OR6S1: variants seen among roughly 807,000 people sequenced by gnomAD.
The protein encoded by OR6S1 is olfactory receptor family 6 subfamily S member 1, also known as olfactory receptor 6S1.
For missense variants in OR6S1, 443 were observed against 401.7 expected, an observed-to-expected ratio of 1.10 and a Z score of -0.88; for synonymous variants, 182 against 166.0, an observed-to-expected ratio of 1.10 and a Z score of -0.74.
chr14:20,640,975 C>G lies in OR6S1; in HGVS notation c.717G>C (p.Lys239Asn), dbSNP rs1016296949. 6.2e-7 allele frequency: 1 copy of G among 1,614,016 alleles called. No homozygotes were observed. Among genetic ancestry groups the G allele is most frequent in the Non-Finnish European group, 8.5e-7 (1 of 1,180,008 alleles). Residue 239 changes from lysine (K) to asparagine (N), a missense_variant, in exon 1 of 1, where the codon AAG (lysine) becomes AAC (asparagine). Physicochemically the swap from Lys to Asn is moderately conservative, Grantham distance 94. Transcript: ENST00000320704. ...LSIPSASGRQKAFSTCTSHLI... is the reference protein window; with the variant it reads ...LSIPSASGRQNAFSTCTSHLI... ...AGTGGGAGGTACAGGTAGAGAAGGC[C>G]TTCTGACGGCCTGAAGCAGAGGGGA...
rs142856316 is a variant in OR6S1, at chr14:20,641,295, G to T, written c.397C>A (p.Arg133Ser). Residue 133 changes from arginine (R) to serine (S), a missense_variant, in exon 1 of 1, where the codon CGC (arginine) becomes AGC (serine). Arg to Ser is a moderately radical substitution (Grantham distance 110, BLOSUM62 -1). Transcript: ENST00000320704. ...DRYLAICHPL[R>S]YPLLMSGAVC... Reference sequence around the variant, plus strand: ...GCCCCACTCATGAGCAAGGGGTAGCGCAGAGGATGACAGATGGCCAGGTAG... The same window carrying T: ...GCCCCACTCATGAGCAAGGGGTAGCTCAGAGGATGACAGATGGCCAGGTAG... The T allele has an allele frequency of 6.2e-7, 1 of 1,614,108 alleles. No individual in the cohort carries two copies. Among genetic ancestry groups the T allele is most frequent in the Middle Eastern group, 1.7e-4 (1 of 6,060 alleles).
Position 20,641,588 on chromosome 14 carries a change from A to G in OR6S1, c.104T>C (p.Leu35Pro), listed in dbSNP as rs767077345. The G allele has an allele frequency of 6.8e-6, 11 of 1,613,958 alleles. No individual in the cohort carries two copies. Among genetic ancestry groups the G allele is most frequent in the Non-Finnish European group, 4.2e-6 (5 of 1,179,806 alleles). The change falls in exon 1 of 1, where the codon CTT (leucine) becomes CCT (proline). Residue 35 changes from leucine to proline, a missense_variant. Coordinates refer to ENST00000320704, the MANE Select transcript of OR6S1 (RefSeq NM_001001968.1). ...GCCTGTCAGATTCAGGAGATAGACA[A>G]GAAGAAACACAGAAAATAATTCCAC... ...ARVELFSVFL[L>P]VYLLNLTGNV...
Position 20,641,065 on chromosome 14 carries a change from G to A in OR6S1, c.627C>T (p.Val209=). The A allele has an allele frequency of 6.2e-7, 1 of 1,614,188 alleles. No individual in the cohort carries two copies. Among genetic ancestry groups the A allele is most frequent in the Non-Finnish European group, 8.5e-7 (1 of 1,180,038 alleles). Residue 209 remains valine, a synonymous_variant, in exon 1 of 1, where the codon GTC becomes GTT. Coordinates refer to ENST00000320704, the MANE Select transcript of OR6S1 (RefSeq NM_001001968.1). ...EETDFVLASL[V]IVSSLLITAV... ...CAGTGATCAGCAAGGAAGATACAAT[G>A]ACGAGGGAGGCCAGGACAAAGTCAG...
In OR6S1 at chr14:20,641,600, G is replaced by C. The variant is rs756088029; in HGVS notation, c.92C>G (p.Ser31Cys). 6.2e-7 allele frequency: 1 copy of C among 1,613,852 alleles called. No homozygotes were observed. Among genetic ancestry groups the C allele is most frequent in the East Asian group, 2.2e-5 (1 of 44,878 alleles). Reference sequence around the variant, plus strand: ...CAGGAGATAGACAAGAAGAAACACAGAAAATAATTCCACTCTTGCGCTGTT... The same window carrying C: ...CAGGAGATAGACAAGAAGAAACACACAAAATAATTCCACTCTTGCGCTGTT... ...NLNSARVELFSVFLLVYLLNL... is the reference protein window; with the variant it reads ...NLNSARVELFCVFLLVYLLNL... Residue 31 changes from serine to cysteine, a missense_variant, in exon 1 of 1, where the codon TCT becomes TGT. By Grantham distance (112) the Ser-to-Cys change is moderately radical (BLOSUM62 -1). Transcript: ENST00000320704.
Position 20,640,849 on chromosome 14 carries a change from C to T in OR6S1, c.843G>A (p.Thr281=), listed in dbSNP as rs767095883. 3.1e-6 allele frequency: 5 copies of T among 1,613,902 alleles called. No homozygotes were observed. Among genetic ancestry groups the T allele is most frequent in the East Asian group, 2.2e-5 (1 of 44,890 alleles). ...GATTCAACAGTGGTGTCACAAATGT[C>T]GTTATTACTGTCACTGCCCAGTTAG... ...VDTNWAVTVI[T]TFVTPLLNPF... The change falls in exon 1 of 1, where the codon ACG becomes ACA. Residue 281 remains threonine (T), a synonymous_variant. Transcript: ENST00000320704.
Position 20,641,671 on chromosome 14 carries a change from G to C in OR6S1, c.21C>G (p.His7Gln), listed in dbSNP as rs1460423195. 6.2e-7 allele frequency: 1 copy of C among 1,604,962 alleles called. No homozygotes were observed. The highest frequency in any genetic ancestry group is 2.2e-5 in the East Asian group (1 of 44,890). Residue 7 changes from histidine (H) to glutamine (Q), a missense_variant, in exon 1 of 1, where the codon CAC (histidine) becomes CAG (glutamine). Physicochemically the swap from His to Gln is conservative, Grantham distance 24. Transcript: ENST00000320704. ...GGACGAACTCTGTTGGATCACTACT[G>C]TGGTTCCCATCAGGACTCATTGTCT... is the stretch of plus-strand genomic sequence containing the variant. MSPDGNHSSDPTEFVLA... is the reference protein window; with the variant it reads MSPDGNQSSDPTEFVLA...
chr14:20,641,011 T>G lies in OR6S1; in HGVS notation c.681A>C (p.Ala227=). ...TAVSYGLIVL[A]VLSIPSASGR... is the part of the protein sequence containing the mutation. ...CTGAAGCAGAGGGGATGCTCAGGAC[T>G]GCCAGCACAATGAGGCCGTAGGACA... Residue 227 remains alanine, a synonymous_variant, in exon 1 of 1, where the codon GCA becomes GCC. Transcript: ENST00000320704. The G allele has an allele frequency of 1.9e-6, 3 of 1,614,104 alleles. No individual in the cohort carries two copies. Among genetic ancestry groups the G allele is most frequent in the Non-Finnish European group, 2.5e-6 (3 of 1,180,036 alleles).
rs780340636 is a variant in OR6S1 at position 20,641,649 on chromosome 14, C to T, written c.43G>A (p.Val15Ile). The T allele has an allele frequency of 2.4e-5, 39 of 1,610,742 alleles. No individual in the cohort carries two copies. The highest frequency in any genetic ancestry group is 4.4e-5 in the South Asian group (4 of 90,460). ...GNHSSDPTEF[V>I]LAGLPNLNSA... is the part of the protein sequence containing the mutation. ...TTGAGATTTGGGAGCCCTGCCAGGA[C>T]GAACTCTGTTGGATCACTACTGTGG... The change falls in exon 1 of 1, where the codon GTC (valine) becomes ATC (isoleucine). Residue 15 changes from valine to isoleucine, a missense_variant. Transcript: ENST00000320704.
In OR6S1 at chr14:20,640,723, T is replaced by C. The variant is rs1251317074; in HGVS notation, c.969A>G (p.Lys323=). The part of the protein sequence containing the change: ...AGVLGNLLLD[K]CLSEKAVK ...ACTTTACTGCTTTCTCACTGAGACA[T>C]TTATCAAGTAAAAGATTCCCTAAAA... The change falls in exon 1 of 1, where the codon AAA becomes AAG. Residue 323 remains lysine (K), a synonymous_variant. Transcript: ENST00000320704. 6.3e-7 allele frequency: 1 copy of C among 1,597,978 alleles called. No individual in the cohort carries two copies. The highest frequency in any genetic ancestry group is 1.1e-5 in the South Asian group (1 of 90,844).
rs1253366470 is a variant in OR6S1 at position 20,641,084 on chromosome 14, A to G, written c.608T>C (p.Phe203Ser). ...TNTKKLEETD[F>S]VLASLVIVSS... ...TACAATGACGAGGGAGGCCAGGACA[A>G]AGTCAGTCTCCTCCAGCTTCTTGGT... The change falls in exon 1 of 1, where the codon TTT becomes TCT. Residue 203 changes from phenylalanine (F) to serine (S), a missense_variant. Phe to Ser is a radical substitution (Grantham distance 155). Coordinates refer to ENST00000320704, the MANE Select transcript of OR6S1 (RefSeq NM_001001968.1). 6.2e-7 allele frequency: 1 copy of G among 1,614,164 alleles called. No homozygotes were observed. The highest frequency in any genetic ancestry group is 1.7e-5 in the Admixed American group (1 of 60,028).
At position 20,641,329 on chromosome 14, in the gene OR6S1, A is replaced by G; in HGVS notation, c.363T>C (p.Ser121=). The G allele has an allele frequency of 1.2e-6, 2 of 1,614,176 alleles. No individual in the cohort carries two copies. Among genetic ancestry groups the G allele is most frequent in the South Asian group, 2.2e-5 (2 of 91,076 alleles). ...GACAGATGGCCAGGTAGCGATCCGC[A>G]GACATGACAGCCAACAGTAAGAACT... ...ASEFLLLAVM[S]ADRYLAICHP... The change falls in exon 1 of 1, where the codon TCT becomes TCC. Residue 121 remains serine (S), a synonymous_variant. Transcript: ENST00000320704.
chr14:20,641,083 A>C lies in OR6S1; in HGVS notation c.609T>G (p.Phe203Leu), dbSNP rs1885524863. ...ATACAATGACGAGGGAGGCCAGGACAAAGTCAGTCTCCTCCAGCTTCTTGG... is the reference window on the plus strand; with the variant it reads ...ATACAATGACGAGGGAGGCCAGGACCAAGTCAGTCTCCTCCAGCTTCTTGG... ...TNTKKLEETD[F>L]VLASLVIVSS... Residue 203 changes from phenylalanine (F) to leucine (L), a missense_variant, in exon 1 of 1, where the codon TTT becomes TTG. By Grantham distance (22) the Phe-to-Leu change is conservative (BLOSUM62 0). Transcript: ENST00000320704. 1.2e-6 allele frequency: 2 copies of C among 1,614,178 alleles called. No individual in the cohort carries two copies. Among genetic ancestry groups the C allele is most frequent in the Non-Finnish European group, 1.7e-6 (2 of 1,180,022 alleles).
chr14:20,640,886 C>CCA lies in OR6S1; in HGVS notation c.804_805dup (p.Gly269ValfsTer10), dbSNP rs1417322752. 1.9e-6 allele frequency: 3 copies of CCA among 1,613,912 alleles called. No individual in the cohort carries two copies. Among genetic ancestry groups the CCA allele is most frequent in the Non-Finnish European group, 2.5e-6 (3 of 1,180,016 alleles). On this transcript the variant is annotated frameshift_variant, in exon 1 of 1. Coordinates refer to ENST00000320704, the MANE Select transcript of OR6S1 (RefSeq NM_001001968.1). LOFTEE classifies it low-confidence loss of function (END_TRUNC). ...CACTGCCCAGTTAGTGTCCACAGAA[C>CCA]CACTCTGCGATGGCCGCACATAGAG...
chr14:20,640,776 C>T lies in OR6S1; in HGVS notation c.916G>A (p.Asp306Asn). Reference sequence around the variant, plus strand: ...CCTGCCACTACCTTCCTAAACATGTCCTTCAAAGCTTCCTTGACTTGCTCA... The same window carrying T: ...CCTGCCACTACCTTCCTAAACATGTTCTTCAAAGCTTCCTTGACTTGCTCA... ...RNEQVKEALKDMFRKVVAGVL... is the reference protein window; with the variant it reads ...RNEQVKEALKNMFRKVVAGVL... Residue 306 changes from aspartate to asparagine, a missense_variant, in exon 1 of 1, where the codon GAC becomes AAC. Transcript: ENST00000320704. The T allele has an allele frequency of 6.2e-7, 1 of 1,613,758 alleles. No individual in the cohort carries two copies. Among genetic ancestry groups the T allele is most frequent in the East Asian group, 2.2e-5 (1 of 44,870 alleles).
At position 20,640,763 on chromosome 14, in the gene OR6S1, T is replaced by C; in HGVS notation, c.929A>G (p.Lys310Arg). ...VKEALKDMFR[K>R]VVAGVLGNLL... The stretch of plus-strand genomic sequence containing the variant: ...ATTCCCTAAAACGCCTGCCACTACC[T>C]TCCTAAACATGTCCTTCAAAGCTTC... Residue 310 changes from lysine to arginine, a missense_variant, in exon 1 of 1, where the codon AAG becomes AGG. Transcript: ENST00000320704. The C allele has an allele frequency of 6.2e-7, 1 of 1,610,566 alleles. No homozygotes were observed. Among genetic ancestry groups the C allele is most frequent in the Middle Eastern group, 1.7e-4 (1 of 6,040 alleles).
At position 20,641,079 on chromosome 14, in the gene OR6S1, G is replaced by A; in HGVS notation, c.613C>T (p.Leu205=). 6.2e-7 allele frequency: 1 copy of A among 1,614,136 alleles called. No individual in the cohort carries two copies. The highest frequency in any genetic ancestry group is 1.3e-5 in the African/African-American group (1 of 75,032). The part of the protein sequence containing the change: ...TKKLEETDFV[L]ASLVIVSSLL... ...GAAGATACAATGACGAGGGAGGCCA[G>A]GACAAAGTCAGTCTCCTCCAGCTTC... The change falls in exon 1 of 1, where the codon CTG becomes TTG. Residue 205 remains leucine (L), a synonymous_variant. Coordinates refer to ENST00000320704, the MANE Select transcript of OR6S1 (RefSeq NM_001001968.1).
chr14:20,640,850 G>A lies in OR6S1; in HGVS notation c.842C>T (p.Thr281Met), dbSNP rs144722007. 87 of 1,614,002 alleles carry A rather than the reference G, an allele frequency of 5.4e-5. 1 individual carries two copies. The highest frequency in any genetic ancestry group is 4.7e-4 in the South Asian group (43 of 91,084). Reference sequence around the variant, plus strand: ...ATTCAACAGTGGTGTCACAAATGTCGTTATTACTGTCACTGCCCAGTTAGT... The same window carrying A: ...ATTCAACAGTGGTGTCACAAATGTCATTATTACTGTCACTGCCCAGTTAGT... ...VDTNWAVTVI[T>M]TFVTPLLNPF... Residue 281 changes from threonine (T) to methionine (M), a missense_variant, in exon 1 of 1, where the codon ACG (threonine) becomes ATG (methionine). Physicochemically the swap from Thr to Met is moderately conservative, Grantham distance 81. Transcript: ENST00000320704.
In OR6S1 at chr14:20,641,140, A is replaced by ACTG; in HGVS notation, c.549_551dup (p.Ser184dup). 2 of 1,614,010 alleles carry ACTG rather than the reference A, an allele frequency of 1.2e-6. No homozygotes were observed. The highest frequency in any genetic ancestry group is 1.7e-6 in the Non-Finnish European group (2 of 1,179,894). On this transcript the variant is annotated inframe_insertion, in exon 1 of 1. Transcript: ENST00000320704. ...TGCAAGCCAGGCGGAGCAGTGGGCC[A>ACTG]CTGTCGCAGAAGAAGTGCTGTACCA...
In OR6S1 at chr14:20,641,507, T is replaced by G; in HGVS notation, c.185A>C (p.Tyr62Ser). The G allele has an allele frequency of 1.9e-6, 3 of 1,613,632 alleles. No homozygotes were observed. Among genetic ancestry groups the G allele is most frequent in the Non-Finnish European group, 2.5e-6 (3 of 1,179,618 alleles). The change falls in exon 1 of 1, where the codon TAC becomes TCC. Residue 62 changes from tyrosine to serine, a missense_variant. By Grantham distance (144) the Tyr-to-Ser change is moderately radical (BLOSUM62 -2). Transcript: ENST00000320704. ...RADTRLQTPMYFFLGNLSCLE... is the reference protein window; with the variant it reads ...RADTRLQTPMSFFLGNLSCLE... ...GCAGGACAGGTTACCCAGAAAGAAGTACATAGGGGTCTGTAGTCGAGTATC... is the reference window on the plus strand; with the variant it reads ...GCAGGACAGGTTACCCAGAAAGAAGGACATAGGGGTCTGTAGTCGAGTATC...
Sources: allele counts gnomAD v4.1 joint callset, GRCh38; gene constraint gnomAD v4.1.1; transcripts MANE v1.5; gene names NCBI Gene and HGNC (gene_info 2026-07-23, HGNC 2026-07-21).